Variants in FAM117A observed in about 807,000 individuals in gnomAD.
FAM117A encodes the protein family with sequence similarity 117 member A, also known as protein FAM117A.
Under a neutral mutation model 44.1 loss-of-function variants are expected in FAM117A, and 21 were observed. The ratio of observed to expected loss-of-function variants is 0.48; its 90% CI spans 0.34 to 0.69. The LOEUF is 0.69. Among genes scored for constraint, FAM117A ranks in the 30% least tolerant of loss-of-function variants. The pLI is 0.01. For synonymous variants in FAM117A, 220 were observed against 238.3 expected (o/e 0.92, Z 0.71); for missense variants, 498 against 589.9 (o/e 0.84, Z 1.61).
chr17:49,713,350 G>A (rs771795640), intron 7 of FAM117A, among the ~76,000 whole-genome samples: 3 of 152,150 alleles, frequency 2.0e-5, no homozygotes, highest in Admixed American at 1.3e-4. Flanking sequence ...AGAAGCTGAC[G>A]GTTTGAAAAT....
At chr17:49,728,039 T>C (rs1037687182) in intron 2 of FAM117A, among the ~76,000 whole-genome samples, 5 of 152,250 alleles carry the variant, frequency 3.3e-5, no homozygotes, top group African/African-American at 1.2e-4. Flanking sequence ...CACTGAAAAC[T>C]GGCTGCAAGT....
intron 1 of FAM117A, among the ~76,000 whole-genome samples, chr17:49,778,904 G>A (rs2073782054): frequency 6.6e-6 from 1 of 152,218 alleles, no homozygotes; most frequent in Non-Finnish European, 1.5e-5. Context: ...TGCAATAAGA[G>A]CATGGCAGTG....
intron 7 of FAM117A, among the ~76,000 whole-genome samples, chr17:49,713,303 T>C (rs2073486852): frequency 6.6e-6 from 1 of 152,160 alleles, no homozygotes; most frequent in Non-Finnish European, 1.5e-5. Flanking sequence ...CCTGATTCCT[T>C]ACTGTATGGC....
chr17:49,747,461 G>A (rs1223555258), intron 1 of FAM117A, among the ~76,000 whole-genome samples: 1 of 152,144 alleles, frequency 6.6e-6, no homozygotes, highest in African/African-American at 2.4e-5. Flanking sequence ...GAGGAAGTTG[G>A]GGGGCACTTA....
At chr17:49,720,070 G>C in intron 4 of FAM117A, 176 bp from the exon 5 acceptor site, 1 of 834,772 alleles carries the variant, frequency 1.2e-6, no homozygotes. Context: ...CCAAAAGTTT[G>C]AGCTTTGCAG....
chr17:49,724,101 T>C (rs1045216568), intron 2 of FAM117A, among the ~76,000 whole-genome samples: 1 of 152,138 alleles, frequency 6.6e-6, no homozygotes, highest in African/African-American at 2.4e-5. Flanking sequence ...CATGTCTCTC[T>C]AAACCAGGGT....
Position 49,751,407 on chromosome 17 carries a change from C to A in FAM117A, c.196+12485G>T, listed in dbSNP as rs566602866. Reference sequence around the variant, plus strand: ...CATCCTGGTCAACATGGTGAAACCCCATTTCTACTAAGAAATACAAAAATT... The same window carrying A: ...CATCCTGGTCAACATGGTGAAACCCAATTTCTACTAAGAAATACAAAAATT... On this transcript the variant is annotated intron_variant, in intron 1 of 7. Coordinates refer to ENST00000240364, the MANE Select transcript of FAM117A (RefSeq NM_030802.4). Among the ~76,000 whole-genome samples the A allele has an allele frequency of 4.6e-5, 7 of 151,816 alleles. No homozygotes were observed. In the South Asian group the frequency reaches 1.5e-3, roughly 32 times the overall value.
intron 6 of FAM117A, 107 bp downstream of exon 6, chr17:49,717,406 G>T: frequency 1.2e-6 from 1 of 840,298 alleles, no homozygotes; most frequent in Admixed American, 2.5e-5. Context: ...AGATATTCTA[G>T]TAGGGTACTG....
chr17:49,711,467 C>T lies in FAM117A; in HGVS notation c.1150G>A (p.Val384Ile), dbSNP rs953388220. 8.1e-6 allele frequency: 13 copies of T among 1,613,806 alleles called. No individual in the cohort carries two copies. The highest frequency in any genetic ancestry group is 1.7e-5 in the Admixed American group (1 of 59,992). The change falls in exon 8 of 8, where the codon GTC (valine) becomes ATC (isoleucine). Residue 384 changes from valine (V) to isoleucine (I), a missense_variant. Val to Ile is a conservative substitution (Grantham distance 29). Coordinates refer to ENST00000240364, the MANE Select transcript of FAM117A (RefSeq NM_030802.4). ...FNPTGSAFCP[V>I]NLMKPLFPGM... ...GGGAAGAGGGGCTTCATCAGGTTGA[C>T]GGGGCAGAAGGCTGAGCCAGTCGGG...
At chr17:49,755,519 T>C (rs1220461199) in intron 1 of FAM117A, among the ~76,000 whole-genome samples, 1 of 152,110 alleles carries the variant, frequency 6.6e-6, no homozygotes, top group Non-Finnish European at 1.5e-5. Flanking sequence ...CATAACAAAA[T>C]CCTACACATT....
At chr17:49,725,428 TA>T (rs1213027431) in intron 2 of FAM117A, among the ~76,000 whole-genome samples, 1 of 152,216 alleles carries the variant, frequency 6.6e-6, no homozygotes, top group Non-Finnish European at 1.5e-5. Context: ...GGAGACAGTT[TA>T]AACAGTGATA....
chr17:49,721,512 CCTTGT>C (rs1259533383), intron 3 of FAM117A, among the ~76,000 whole-genome samples: 3 of 152,182 alleles, frequency 2.0e-5, no homozygotes, highest in African/African-American at 4.8e-5. Context: ...TTTATTTCCC[CCTTGT>C]CTTAAGCTCT....
chr17:49,719,457 A>C (rs1448405434), intron 5 of FAM117A, among the ~76,000 whole-genome samples: 1 of 152,214 alleles, frequency 6.6e-6, no homozygotes, highest in Non-Finnish European at 1.5e-5. Flanking sequence ...GGGAACAGTG[A>C]GAACTGGCAG....
intron 1 of FAM117A, among the ~76,000 whole-genome samples, chr17:49,736,280 G>A (rs1285302175): frequency 4.1e-5 from 6 of 147,604 alleles, no homozygotes; most frequent in Admixed American, 2.7e-4. Context: ...TTTTTGAGAC[G>A]GAGTCACGCT....
intron 1 of FAM117A, among the ~76,000 whole-genome samples, chr17:49,745,188 T>C (rs1293400848): frequency 6.6e-6 from 1 of 152,150 alleles, no homozygotes; most frequent in Non-Finnish European, 1.5e-5. Context: ...CCTACAAACG[T>C]TGACAGAATT....
intron 1 of FAM117A, among the ~76,000 whole-genome samples, chr17:49,784,434 C>T (rs1386912709): frequency 2.0e-5 from 3 of 152,192 alleles, no homozygotes; most frequent in African/African-American, 7.2e-5. Flanking sequence ...GCCTCCTCTG[C>T]TTAAGGACTT....
intron 1 of FAM117A, among the ~76,000 whole-genome samples, chr17:49,785,928 AG>A (rs1341550217): frequency 6.6e-6 from 1 of 152,246 alleles, no homozygotes; most frequent in Admixed American, 6.5e-5. Flanking sequence ...GAGGATAGCC[AG>A]GGGGCAACCA....
chr17:49,779,404 C>T (rs2073783342), intron 1 of FAM117A, among the ~76,000 whole-genome samples: 1 of 152,216 alleles, frequency 6.6e-6, no homozygotes, highest in Non-Finnish European at 1.5e-5. Context: ...CACTGGGGAG[C>T]CCCCAGAACC....
At chr17:49,714,504 CT>C (rs2073493117) in intron 7 of FAM117A, among the ~76,000 whole-genome samples, 1 of 151,326 alleles carries the variant, frequency 6.6e-6, no homozygotes, top group Admixed American at 6.6e-5. Flanking sequence ...CACCCGGCTA[CT>C]TTTTGTATTT....
Sources: gnomAD v4.1 joint callset for allele counts (sites outside exome capture counted in the v4.1 genomes callset) on GRCh38, gnomAD v4.1.1 for gene constraint, MANE v1.5 for transcripts, NCBI Gene and HGNC (gene_info 2026-07-23, HGNC 2026-07-21) for gene names.